The following BMPR1B variants were observed in gnomAD, a reference collection of about 807,000 sequenced individuals.
BMPR1B encodes the protein bone morphogenetic protein receptor type 1B.
A neutral mutation model predicts 59.1 loss-of-function variants in BMPR1B; 12 were observed. That is an observed-to-expected ratio of 0.20 (90% confidence interval 0.13 to 0.33). BMPR1B has a LOEUF of 0.33. Ranked by LOEUF, BMPR1B falls within the 10% of genes least tolerant of loss-of-function variation. The pLI is 1.00. For synonymous variants in BMPR1B, 237 were observed against 207.3 expected (o/e 1.14, Z -1.23); for missense variants, 550 against 610.9 (o/e 0.90, Z 1.05).
At chr4:94,760,029 T>C (rs1578612032) in intron 1 of BMPR1B, among the ~76,000 whole-genome samples, 1 of 152,358 alleles carries the variant, frequency 6.6e-6, no homozygotes, top group African/African-American at 2.4e-5. Flanking sequence ...AAACCACCTT[T>C]TCCTTTTAGT....
intron 8 of BMPR1B, among the ~76,000 whole-genome samples, chr4:95,125,827 T>C (rs1732866032): frequency 1.3e-5 from 2 of 152,126 alleles, no homozygotes; most frequent in Non-Finnish European, 2.9e-5. Context: ...CTGGGTAAAA[T>C]ATCCTAATAC....
At chr4:95,109,808 C>T (rs1179941418) in intron 4 of BMPR1B, among the ~76,000 whole-genome samples, 1 of 151,118 alleles carries the variant, frequency 6.6e-6, no homozygotes, top group Non-Finnish European at 1.5e-5. Flanking sequence ...GTGCTGCACC[C>T]ATTAACTCGT....
intron 3 of BMPR1B, among the ~76,000 whole-genome samples, chr4:95,095,888 A>G (rs1730336110): frequency 6.6e-6 from 1 of 151,872 alleles, no homozygotes; most frequent in Non-Finnish European, 1.5e-5. Flanking sequence ...TATTTATGAT[A>G]TTTTTGAACT....
At chr4:94,858,577 A>G (rs781242036) in intron 1 of BMPR1B, among the ~76,000 whole-genome samples, 2 of 152,216 alleles carry the variant, frequency 1.3e-5, no homozygotes, top group Non-Finnish European at 2.9e-5. Flanking sequence ...TGAACTGTAA[A>G]TTAGTTCAAA....
intron 3 of BMPR1B, among the ~76,000 whole-genome samples, chr4:95,024,229 G>T (rs932615573): frequency 6.6e-6 from 1 of 152,126 alleles, no homozygotes; most frequent in African/African-American, 2.4e-5. Context: ...TTAAAGAAGT[G>T]ACTTTAACTT....
chr4:95,106,305 T>C (rs922247918), intron 4 of BMPR1B, among the ~76,000 whole-genome samples: 2 of 151,922 alleles, frequency 1.3e-5, no homozygotes, highest in Non-Finnish European at 2.9e-5. Context: ...GTTGACATGA[T>C]CTGATTTGTT....
chr4:94,809,880 A>G (rs1463634383), intron 1 of BMPR1B, among the ~76,000 whole-genome samples: 1 of 152,232 alleles, frequency 6.6e-6, no homozygotes, highest in Non-Finnish European at 1.5e-5. Flanking sequence ...CCCTGAGGAG[A>G]GGCCTTAGAT....
intron 3 of BMPR1B, among the ~76,000 whole-genome samples, chr4:95,002,821 A>G (rs1257190969): frequency 1.3e-5 from 2 of 152,210 alleles, no homozygotes; most frequent in Non-Finnish European, 2.9e-5. Flanking sequence ...AAAGAAATGT[A>G]TAATTTTTAC....
chr4:95,019,076 G>C (rs138150310), intron 3 of BMPR1B, among the ~76,000 whole-genome samples: 11 of 151,932 alleles, frequency 7.2e-5, no homozygotes, highest in Non-Finnish European at 1.5e-4. Flanking sequence ...TGCAACTGTC[G>C]AATACCGCTT....
intron 3 of BMPR1B, among the ~76,000 whole-genome samples, chr4:95,012,451 A>T (rs1723289875): frequency 6.6e-6 from 1 of 152,196 alleles, no homozygotes; most frequent in South Asian, 2.1e-4. Flanking sequence ...ACAGTTTGTG[A>T]ATTATTATTT....
intron 1 of BMPR1B, among the ~76,000 whole-genome samples, chr4:94,781,252 A>G (rs1160167832): frequency 6.6e-6 from 1 of 152,116 alleles, no homozygotes; most frequent in Non-Finnish European, 1.5e-5. Flanking sequence ...TATGATTTGC[A>G]AATATTTCCT....
At chr4:94,831,420 T>G (rs1387514259) in intron 1 of BMPR1B, among the ~76,000 whole-genome samples, 1 of 152,122 alleles carries the variant, frequency 6.6e-6, no homozygotes, top group Non-Finnish European at 1.5e-5. Flanking sequence ...AGAAAAATAT[T>G]TATAACATAG....
At chr4:94,785,914 C>T (rs1722746968) in intron 1 of BMPR1B, among the ~76,000 whole-genome samples, 1 of 152,136 alleles carries the variant, frequency 6.6e-6, no homozygotes, top group African/African-American at 2.4e-5. Flanking sequence ...GCCCTACTTT[C>T]TCTGGATTCT....
intron 11 of BMPR1B, among the ~76,000 whole-genome samples, chr4:95,151,858 GTTAATC>G (rs1006885161): frequency 2.6e-5 from 4 of 152,092 alleles, no homozygotes; most frequent in Admixed American, 6.5e-5. Context: ...ATTATAAGGA[GTTAATC>G]TTAAGAAGGT....
rs187916903 is a variant in BMPR1B, at chr4:95,007,497, A to G, written c.-18+11363A>G. 3.7e-4 allele frequency among the ~76,000 whole-genome samples: 56 copies of G among 152,320 alleles called. No individual in the cohort carries two copies. In the East Asian group the frequency reaches 8.3e-3, roughly 23 times the overall value. ...ATTTGGCATAGGAGAAATAAAAGCTATGGAAAAAATAACCTTTAGAAATTA... is the reference window on the plus strand; with the variant it reads ...ATTTGGCATAGGAGAAATAAAAGCTGTGGAAAAAATAACCTTTAGAAATTA... On this transcript the variant is annotated intron_variant, in intron 3 of 12. Transcript: ENST00000515059.
chr4:95,059,959 T>A (rs62316251), intron 3 of BMPR1B, among the ~76,000 whole-genome samples: 1 of 152,178 alleles, frequency 6.6e-6, no homozygotes, highest in East Asian at 1.9e-4. Context: ...CTTCAGAGGT[T>A]TTATGCAGAT....
At chr4:94,957,333 GTTTTTTT>G (rs56341742) in intron 2 of BMPR1B, among the ~76,000 whole-genome samples, 6 of 65,664 alleles carry the variant, frequency 9.1e-5, no homozygotes, top group South Asian at 7.2e-4. Flanking sequence ...CCTGTTTCGT[GTTTTTTT>G]TTTTTTTTTT....
At chr4:94,816,467 T>C (rs565492427) in intron 1 of BMPR1B, among the ~76,000 whole-genome samples, 1 of 152,290 alleles carries the variant, frequency 6.6e-6, no homozygotes, top group East Asian at 1.9e-4. Flanking sequence ...CCCGGCCTTA[T>C]GCTAGTATTT....
chr4:94,831,517 C>A (rs968700319), intron 1 of BMPR1B, among the ~76,000 whole-genome samples: 7 of 152,130 alleles, frequency 4.6e-5, no homozygotes, highest in Non-Finnish European at 1.0e-4. Flanking sequence ...GTACCACTCA[C>A]CCAGAGAAAC....
Sources: gnomAD v4.1 joint callset for allele counts (sites outside exome capture counted in the v4.1 genomes callset) on GRCh38, gnomAD v4.1.1 for gene constraint, MANE v1.5 for transcripts, NCBI Gene and HGNC (gene_info 2026-07-23, HGNC 2026-07-21) for gene names.